Variants in TUBGCP3 observed in about 807,000 individuals in gnomAD.
TUBGCP3 encodes the protein gamma-tubulin complex component 3.
Under a neutral mutation model 123.1 loss-of-function variants are expected in TUBGCP3, and 50 were observed. That is an observed-to-expected ratio of 0.41 (90% CI 0.32 to 0.51). TUBGCP3 has a LOEUF of 0.51. Among genes scored for constraint, TUBGCP3 ranks in the 20% least tolerant of loss-of-function variants. The pLI, the probability that TUBGCP3 is intolerant of heterozygous loss-of-function variation, is 0.36. For missense variants in TUBGCP3, 882 were observed against 1,127.0 expected (o/e 0.78, Z 3.11); for synonymous variants, 405 against 413.9 (o/e 0.98, Z 0.26).
chr13:112,514,750 G>A (rs1158009898), intron 17 of TUBGCP3, among the ~76,000 whole-genome samples: 2 of 152,160 alleles, frequency 1.3e-5, no homozygotes, highest in Non-Finnish European at 2.9e-5. Flanking sequence ...TAAGTAAACA[G>A]TCAAACTAAA....
In TUBGCP3 at chr13:112,555,900, G is replaced by A. The variant is rs1053517334; in HGVS notation, c.721+152C>T. The A allele has an allele frequency of 4.6e-5, 39 of 839,762 alleles. No homozygotes were observed. In the East Asian group the frequency reaches 6.2e-4, roughly 13 times the overall value. The allele number at this position is 839,762 out of a possible 1,614,324, so 52.0% of individuals were successfully genotyped here. ...GAAAAGCCAAACTCCCCAAGGCGCC[G>A]CAGACCACCAGGGACTCTGGACTTC... is the stretch of plus-strand genomic sequence containing the variant. On this transcript the variant is annotated intron_variant, in intron 6 of 21. Transcript: ENST00000261965.
chr13:112,555,072 T>G, intron 6 of TUBGCP3, 67 bp from the exon 7 acceptor site: 3 of 981,622 alleles, frequency 3.1e-6, no homozygotes, highest in South Asian at 3.1e-5. Flanking sequence ...GATATTATGG[T>G]GCAATTAGCT....
intron 11 of TUBGCP3, among the ~76,000 whole-genome samples, chr13:112,539,981 C>T (rs1020689644): frequency 1.6e-5 from 2 of 126,820 alleles, no homozygotes; most frequent in Non-Finnish European, 3.2e-5. Context: ...TATGAGCCTT[C>T]AGGTGGTCTT....
intron 11 of TUBGCP3, among the ~76,000 whole-genome samples, chr13:112,528,703 A>G (rs1277520172): frequency 6.6e-6 from 1 of 151,964 alleles, no homozygotes; most frequent in Admixed American, 6.6e-5. Context: ...GTTCTGATCT[A>G]TTTTTTTGTT....
chr13:112,555,117 C>G, intron 6 of TUBGCP3, 112 bp from the exon 7 acceptor site: 1 of 650,212 alleles, frequency 1.5e-6, no homozygotes, highest in Non-Finnish European at 2.7e-6. Context: ...ATGAAATTTA[C>G]TAACTCAATA....
At position 112,486,095 on chromosome 13, in the gene TUBGCP3, C is replaced by G; in HGVS notation, c.2622G>C (p.Arg874=). 6.2e-7 allele frequency: 1 copy of G among 1,610,806 alleles called. No individual in the cohort carries two copies. Among genetic ancestry groups the G allele is most frequent in the Admixed American group, 1.7e-5 (1 of 59,842 alleles). ...LLTTSSDESL[R]FLSFRLDFNE... ...TGAAGTCCAGCCTGAAGCTAAGAAA[C>G]CGAAGACTCTCGTCAGAGCTGGTCG... The change falls in exon 22 of 22, where the codon CGG becomes CGC. Residue 874 remains arginine, a synonymous_variant. Transcript: ENST00000261965.
intron 2 of TUBGCP3, 74 bp downstream of exon 2, chr13:112,569,078 C>A: frequency 1.5e-6 from 2 of 1,376,382 alleles, no homozygotes; most frequent in South Asian, 1.2e-5. Flanking sequence ...CACCTACACA[C>A]ATGCATACAT....
intron 11 of TUBGCP3, among the ~76,000 whole-genome samples, chr13:112,536,623 AT>A (rs1263897023): frequency 6.6e-6 from 1 of 152,314 alleles, no homozygotes; most frequent in South Asian, 2.1e-4. Flanking sequence ...AATATAAATG[AT>A]TTTTGTTATT....
At chr13:112,513,339 T>C (rs1566543589) in intron 17 of TUBGCP3, among the ~76,000 whole-genome samples, 1 of 152,196 alleles carries the variant, frequency 6.6e-6, no homozygotes, top group Non-Finnish European at 1.5e-5. Flanking sequence ...CCATCCAGGA[T>C]TGGTAGAGGC....
intron 11 of TUBGCP3, among the ~76,000 whole-genome samples, chr13:112,530,697 A>C (rs1453287637): frequency 1.3e-5 from 2 of 152,246 alleles, no homozygotes; most frequent in Non-Finnish European, 2.9e-5. Flanking sequence ...AGAGTTTCAG[A>C]GATCATTTTA....
chr13:112,550,546 C>T (rs1354247901), intron 8 of TUBGCP3, among the ~76,000 whole-genome samples: 1 of 152,212 alleles, frequency 6.6e-6, no homozygotes, highest in Non-Finnish European at 1.5e-5. Flanking sequence ...GGTACCGCCA[C>T]GTGTCAGCCC....
chr13:112,550,926 GTCTCTAT>G (rs1879520489), intron 8 of TUBGCP3, among the ~76,000 whole-genome samples: 1 of 152,068 alleles, frequency 6.6e-6, no homozygotes, highest in Non-Finnish European at 1.5e-5. Flanking sequence ...GTGAAACCCC[GTCTCTAT>G]TAAAAATACA....
intron 21 of TUBGCP3, among the ~76,000 whole-genome samples, chr13:112,489,356 C>G (rs1430845487): frequency 1.3e-5 from 2 of 152,274 alleles, no homozygotes; most frequent in African/African-American, 2.4e-5. Flanking sequence ...CAGGGGCCAC[C>G]CTTTGGCCAG....
At chr13:112,575,021 G>A (rs539929713) in intron 1 of TUBGCP3, among the ~76,000 whole-genome samples, 5 of 152,282 alleles carry the variant, frequency 3.3e-5, no homozygotes, top group South Asian at 4.1e-4. Flanking sequence ...GGGCACCCCC[G>A]CAGTGGGCTG....
the TUBGCP3 span, chr13:112,605,183 C>G: frequency 6.6e-6 from 1 of 152,178 alleles, no homozygotes; most frequent in African/African-American, 2.4e-5. Flanking sequence ...GTGGCAGGCA[C>G]CTGTAATCCC....
At chr13:112,588,974 T>G (rs3813739), upstream of TUBGCP3, among the ~76,000 whole-genome samples, 49,874 of 152,084 alleles carry the variant, frequency 0.33, 8,918 homozygotes, top group African/African-American at 0.47. Flanking sequence ...ACGTTTGTTG[T>G]CGTTCTGACT....
chr13:112,554,376 G>C (rs1879848916), intron 7 of TUBGCP3, among the ~76,000 whole-genome samples, 194 bp from the exon 8 acceptor site: 1 of 152,166 alleles, frequency 6.6e-6, no homozygotes, highest in Admixed American at 6.5e-5. Context: ...ACCTCAAAGG[G>C]CATGGTGAGC....
chr13:112,541,127 C>T (rs1878484517), intron 11 of TUBGCP3, among the ~76,000 whole-genome samples: 1 of 152,136 alleles, frequency 6.6e-6, no homozygotes, highest in Admixed American at 6.5e-5. Flanking sequence ...CTCTGCATTC[C>T]CTATCAACTC....
Position 112,547,592 on chromosome 13 carries a change from A to T in TUBGCP3, c.1168+28T>A, listed in dbSNP as rs201746539. 1.3e-4 allele frequency: 186 copies of T among 1,453,978 alleles called. 2 individuals carry two copies. The East Asian group carries it at 3.0e-3, about 23-fold the overall frequency. 90.1% of individuals were successfully genotyped at this position (1,453,978 alleles called of 1,614,324 possible). ...CGTGGGAAAGTCGCGCGTGGGAAAGACGTGCGTGGGAAAGACGCGCGTGGG... is the reference window on the plus strand; with the variant it reads ...CGTGGGAAAGTCGCGCGTGGGAAAGTCGTGCGTGGGAAAGACGCGCGTGGG... On this transcript the variant is annotated intron_variant, in intron 10 of 21. Coordinates refer to ENST00000261965, the MANE Select transcript of TUBGCP3 (RefSeq NM_006322.6).
Sources: allele counts gnomAD v4.1 joint callset (sites outside exome capture counted in the v4.1 genomes callset), GRCh38; gene constraint gnomAD v4.1.1; transcripts MANE v1.5; gene names NCBI Gene and HGNC (gene_info 2026-07-23, HGNC 2026-07-21).